The following PPP1R12A variants were observed in gnomAD, a reference collection of about 807,000 sequenced individuals.
PPP1R12A encodes myosin binding subunit.
In PPP1R12A, 19 loss-of-function variants were observed where a neutral mutation model predicts 139.6. The observed-to-expected ratio is 0.14, with a 90% CI of 0.09 to 0.20. The LOEUF (loss-of-function observed/expected upper bound fraction) is 0.20. Ranked by LOEUF, PPP1R12A falls within the 10% of genes least tolerant of loss-of-function variation. The pLI, the probability that PPP1R12A is intolerant of heterozygous loss-of-function variation, is 1.00. For synonymous variants in PPP1R12A, 427 were observed against 420.6 expected (o/e 1.02, Z -0.19); for missense variants, 925 against 1,211.5 (o/e 0.76, Z 3.51).
Position 79,776,512 on chromosome 12 carries a change from C to T in PPP1R12A, c.3007-497G>A, listed in dbSNP as rs577075501. Among the ~76,000 whole-genome samples the T allele has an allele frequency of 1.1e-4, 17 of 152,250 alleles. No homozygotes were observed. The South Asian group carries it at 3.5e-3, about 32-fold the overall frequency. On this transcript the variant is annotated intron_variant, in intron 24 of 24. Transcript: ENST00000450142. ...TAAAATTCCTTAAACGATTCACCTA[C>T]AGTAGCTCAGTTTAAAATGCCTAAA... is the stretch of plus-strand genomic sequence containing the variant.
intron 1 of PPP1R12A, among the ~76,000 whole-genome samples, chr12:79,899,194 A>G (rs1885397995): frequency 6.6e-6 from 1 of 150,656 alleles, no homozygotes; most frequent in African/African-American, 2.4e-5. Context: ...TTTTCTTTTG[A>G]TGCAAAATTT....
At position 79,934,962 on chromosome 12, in the gene PPP1R12A, C is replaced by T. The variant is rs772182174; in HGVS notation, c.-31G>A. The T allele has an allele frequency of 1.9e-6, 3 of 1,549,242 alleles. No homozygotes were observed. The highest frequency in any genetic ancestry group is 2.6e-6 in the Non-Finnish European group (3 of 1,144,536). On this transcript the variant is annotated 5_prime_UTR_variant, in exon 1 of 25. Transcript: ENST00000450142. ...CTCCTGCCGCCGGGTCTTCTTATCG[C>T]GAGGGGGGGAAGGGGGAGGCGGAGA... is the stretch of plus-strand genomic sequence containing the variant.
intron 1 of PPP1R12A, among the ~76,000 whole-genome samples, chr12:79,919,277 C>T (rs1161276129): frequency 2.0e-5 from 3 of 152,028 alleles, no homozygotes; most frequent in Non-Finnish European, 2.9e-5. Context: ...GTCTTCTCAG[C>T]CGGGCGCGGT....
intron 9 of PPP1R12A, among the ~76,000 whole-genome samples, chr12:79,816,921 C>A (rs1443873612): frequency 6.6e-6 from 1 of 152,050 alleles, no homozygotes; most frequent in African/African-American, 2.4e-5. Context: ...GTGCTTTGTA[C>A]TATGAGTTTA....
intron 18 of PPP1R12A, among the ~76,000 whole-genome samples, chr12:79,794,319 TTCA>T (rs1412446111): frequency 6.6e-6 from 1 of 152,082 alleles, no homozygotes; most frequent in Non-Finnish European, 1.5e-5. Context: ...GCACTCTTGA[TTCA>T]TCAAGTTGAA....
intron 1 of PPP1R12A, among the ~76,000 whole-genome samples, chr12:79,895,692 T>C (rs541518360): frequency 4.9e-4 from 74 of 152,296 alleles, no homozygotes; most frequent in Admixed American, 1.2e-3. Flanking sequence ...TTCCAGAGAA[T>C]AGCTTTCAGA....
At position 79,894,919 on chromosome 12, in the gene PPP1R12A, C is replaced by A. The variant is rs182418664; in HGVS notation, c.238-21981G>T. Among the ~76,000 whole-genome samples the A allele has an allele frequency of 1.1e-3, 174 of 152,260 alleles. 2 individuals are homozygous for A. In the East Asian group the frequency reaches 0.02, roughly 17 times the overall value. On this transcript the variant is annotated intron_variant, in intron 1 of 24. Transcript: ENST00000450142. ...GCTGTCTCCTCTTAAAACTATCTGA[C>A]AACTTTTTATCTTCCATACTAATCT...
rs141357926 is a variant in PPP1R12A at position 79,928,578 on chromosome 12, A to T, written c.237+6117T>A. On this transcript the variant is annotated intron_variant, in intron 1 of 24. Coordinates refer to ENST00000450142, the MANE Select transcript of PPP1R12A (RefSeq NM_002480.3). ...TGCAGAGAAATATTTTACACTGCAC[A>T]TTCTTTTAGACACAAATTTTAATGC... Among the ~76,000 whole-genome samples, 37 of 152,356 alleles carry T rather than the reference A, an allele frequency of 2.4e-4. 1 individual carries two copies. The highest frequency in any genetic ancestry group is 7.0e-4 in the African/African-American group (29 of 41,594).
chr12:79,797,200 C>T lies in PPP1R12A; in HGVS notation c.2287G>A (p.Asp763Asn), dbSNP rs759084399. Residue 763 changes from aspartate to asparagine, a missense_variant, in exon 16 of 25, where the codon GAT becomes AAT. This residue lies in a region of PPP1R12A where 315 missense variants were observed against 363.4 expected (regional missense o/e 0.87). Coordinates refer to ENST00000450142, the MANE Select transcript of PPP1R12A (RefSeq NM_002480.3). ...TGCTTTTGATATACTGTTACCTCAT[C>T]ATACGTTCTGGAGTACTTTTGTTTA... ...EYKQKYSRTY[D>N]ETYQRYRPVS... 6.3e-7 allele frequency: 1 copy of T among 1,581,902 alleles called. No homozygotes were observed. Among genetic ancestry groups the T allele is most frequent in the South Asian group, 1.2e-5 (1 of 85,840 alleles).
intron 2 of PPP1R12A, among the ~76,000 whole-genome samples, chr12:79,863,528 G>A (rs185476155): frequency 6.6e-6 from 1 of 150,854 alleles, no homozygotes; most frequent in East Asian, 2.0e-4. Flanking sequence ...CTGGCAAATT[G>A]GATAAAGACT....
rs979853162 is a variant in PPP1R12A at position 79,908,490 on chromosome 12, A to T, written c.237+26205T>A. On this transcript the variant is annotated intron_variant, in intron 1 of 24. Transcript: ENST00000450142. ...TCATCCACAGTCCTTTAAAACATAG[A>T]AGTTCTAAACTTGGAATCAGATTAT... Among the ~76,000 whole-genome samples, 18 of 152,220 alleles carry T rather than the reference A, an allele frequency of 1.2e-4. 1 individual carries two copies. The highest frequency in any genetic ancestry group is 1.2e-3 in the Admixed American group (18 of 15,286).
chr12:79,934,603 A>G, intron 1 of PPP1R12A, 92 bp downstream of exon 1: 1 of 1,189,556 alleles, frequency 8.4e-7, no homozygotes, highest in Non-Finnish European at 1.1e-6. Flanking sequence ...CGCCGCCCCC[A>G]GCCTCAAGAG....
chr12:79,859,683 T>C (rs964693527), intron 2 of PPP1R12A, among the ~76,000 whole-genome samples: 2 of 151,978 alleles, frequency 1.3e-5, no homozygotes, highest in African/African-American at 4.8e-5. Flanking sequence ...AGCAGAAGAA[T>C]CACTTGAGGT....
chr12:79,787,992 G>A (rs1871329760), intron 21 of PPP1R12A: 1 of 152,140 alleles, frequency 6.6e-6, no homozygotes, highest in African/African-American at 2.4e-5. Context: ...TTACCCATGA[G>A]TAGAATCTCT....
chr12:79,838,786 C>T (rs1365320282), intron 3 of PPP1R12A, among the ~76,000 whole-genome samples: 2 of 152,174 alleles, frequency 1.3e-5, no homozygotes, highest in Non-Finnish European at 2.9e-5. Flanking sequence ...TATGGAAAGG[C>T]CTGGATGTCC....
chr12:79,882,738 A>T (rs1253792254), intron 1 of PPP1R12A, among the ~76,000 whole-genome samples: 1 of 152,154 alleles, frequency 6.6e-6, no homozygotes, highest in African/African-American at 2.4e-5. Context: ...TCATGAGAGG[A>T]AGAGTCAGTT....
intron 2 of PPP1R12A, among the ~76,000 whole-genome samples, chr12:79,854,257 T>C (rs539207537): frequency 1.3e-5 from 2 of 152,192 alleles, no homozygotes; most frequent in South Asian, 2.1e-4. Context: ...TAAAAACAAA[T>C]ACTGCACCAT....
intron 8 of PPP1R12A, chr12:79,819,099 A>C (rs957286042): frequency 6.6e-6 from 1 of 152,216 alleles, no homozygotes; most frequent in Non-Finnish European, 1.5e-5. Flanking sequence ...ATCATAGTAC[A>C]ATGCTTCAAA....
chr12:79,775,917 CTTTTTT>C lies in PPP1R12A; in HGVS notation c.*6_*11del. ...ATATGTGCAATTCCATTACTTGCTG[CTTTTTT>C]TTTTTTTATTTGGAAAGTTTGCTTA... On this transcript the variant is annotated 3_prime_UTR_variant, in exon 25 of 25. Transcript: ENST00000450142. The C allele has an allele frequency of 7.7e-7, 1 of 1,304,136 alleles. No homozygotes were observed. Among genetic ancestry groups the C allele is most frequent in the Non-Finnish European group, 1.1e-6 (1 of 949,396 alleles). The allele number at this position is 1,304,136 out of a possible 1,614,324, so 80.8% of individuals were successfully genotyped here.
Sources: gnomAD v4.1 joint callset for allele counts (sites outside exome capture counted in the v4.1 genomes callset) on GRCh38, gnomAD v4.1.1 for gene constraint, gnomAD v4.1.1 regional missense constraint, MANE v1.5 for transcripts, NCBI Gene and HGNC (gene_info 2026-07-23, HGNC 2026-07-21) for gene names.